Variants in PIK3R6 observed in about 807,000 individuals in gnomAD.
PIK3R6 encodes the protein phosphoinositide 3-kinase regulatory subunit 6.
PIK3R6 carries 91 observed loss-of-function variants against 84.9 expected under a neutral mutation model. The ratio of observed to expected loss-of-function variants is 1.07; its 90% CI spans 0.90 to 1.28. PIK3R6 has a LOEUF of 1.28. Ranked by LOEUF, PIK3R6 falls within the 50% of genes most tolerant of loss-of-function variation. PIK3R6 has a pLI of 0.00. For missense variants in PIK3R6, 996 were observed against 985.1 expected (o/e 1.01, Z -0.15); for synonymous variants, 416 against 411.4 (o/e 1.01, Z -0.13).
In PIK3R6 at chr17:8,827,308, GA is replaced by G. The variant is rs1175722076; in HGVS notation, c.1393-15del. On this transcript the variant is annotated splice_polypyrimidine_tract_variant and intron_variant, in intron 12 of 19. Coordinates refer to ENST00000619866, the MANE Select transcript of PIK3R6 (RefSeq NM_001010855.4). ...TGCTGCAGGCTTCTGGGGGAAAGGG[GA>G]TGGGGCAGACCCGTCAGGCCCTCTC... is the stretch of plus-strand genomic sequence containing the variant. 13 of 1,549,410 alleles carry G rather than the reference GA, an allele frequency of 8.4e-6. No individual in the cohort carries two copies. The highest frequency in any genetic ancestry group is 1.7e-4 in the Middle Eastern group (1 of 6,012).
chr17:8,815,506 GAA>G (rs776044439), intron 18 of PIK3R6, among the ~76,000 whole-genome samples: 2 of 110,020 alleles, frequency 1.8e-5, no homozygotes, highest in Non-Finnish European at 4.2e-5. Flanking sequence ...CTCAGTCTCA[GAA>G]AAAAAAAAAA....
rs184243375 is a variant in PIK3R6 at position 8,841,682 on chromosome 17, C to T, written c.14-1985G>A. ...GTTCCAGAATAATTTCTTTCTTTAA[C>T]AGTGGTACGTTGACATGGGAAAAAA... On this transcript the variant is annotated intron_variant, in intron 2 of 19. Transcript: ENST00000619866. Among the ~76,000 whole-genome samples the T allele has an allele frequency of 3.4e-3, 516 of 151,036 alleles. 3 individuals carry two copies. The highest frequency in any genetic ancestry group is 0.011 in the African/African-American group (463 of 40,888).
chr17:8,845,863 G>T (rs192534600), intron 2 of PIK3R6, among the ~76,000 whole-genome samples: 58 of 152,326 alleles, frequency 3.8e-4, no homozygotes, highest in Admixed American at 4.6e-4. Context: ...CTTAAACCTG[G>T]GGGGTGGAGA....
intron 13 of PIK3R6, among the ~76,000 whole-genome samples, chr17:8,824,939 T>TA (rs1040036745): frequency 6.6e-6 from 1 of 152,210 alleles, no homozygotes; most frequent in African/African-American, 2.4e-5. Flanking sequence ...AGTGACAAGT[T>TA]AAAAAACAGA....
intron 4 of PIK3R6, 28 bp from the exon 5 acceptor site, chr17:8,837,899 T>C (rs1051475222): frequency 5.0e-6 from 8 of 1,601,790 alleles, no homozygotes; most frequent in Non-Finnish European, 5.1e-6. Flanking sequence ...ACGTGACAGG[T>C]ATTGGGCTGG....
chr17:8,826,653 G>A (rs1259027868), intron 13 of PIK3R6, among the ~76,000 whole-genome samples: 1 of 152,068 alleles, frequency 6.6e-6, no homozygotes, highest in Non-Finnish European at 1.5e-5. Flanking sequence ...GGAAGGGAGA[G>A]CATTAGGACA....
At chr17:8,818,597 T>C (rs969168699) in intron 18 of PIK3R6, among the ~76,000 whole-genome samples, 9 of 151,956 alleles carry the variant, frequency 5.9e-5, no homozygotes, top group Non-Finnish European at 1.3e-4. Flanking sequence ...TGCAGTGAAC[T>C]AAGATTGCAC....
rs116727467 is a variant in PIK3R6 at position 8,819,415 on chromosome 17, C to T, written c.1880-217G>A. Reference sequence around the variant, plus strand: ...TGGTGAATCCACAAGTTTCTGTATCCTCAGGTCAGCGGCCATCACCAACCC... The same window carrying T: ...TGGTGAATCCACAAGTTTCTGTATCTTCAGGTCAGCGGCCATCACCAACCC... On this transcript the variant is annotated intron_variant, in intron 17 of 19. Transcript: ENST00000619866. 6.3e-3 allele frequency among the ~76,000 whole-genome samples: 961 copies of T among 152,108 alleles called. 15 individuals are homozygous for T. Among genetic ancestry groups the T allele is most frequent in the African/African-American group, 0.022 (902 of 41,484 alleles).
chr17:8,819,149 G>A lies in PIK3R6; in HGVS notation c.1929C>T (p.His643=). The A allele has an allele frequency of 6.2e-7, 1 of 1,610,958 alleles. No homozygotes were observed. Among genetic ancestry groups the A allele is most frequent in the Non-Finnish European group, 8.5e-7 (1 of 1,178,570 alleles). The change falls in exon 18 of 20, where the codon CAC becomes CAT. Residue 643 remains histidine (H), a synonymous_variant. Transcript: ENST00000619866. ...CPLPAAPVTD[H]TCLNVNVTEV... ...CTGTCACGTTGACATTCAGACATGT[G>A]TGGTCTGTGACAGGAGCAGCAGGCA...
intron 1 of PIK3R6, among the ~76,000 whole-genome samples, chr17:8,859,611 G>T (rs1460959078): frequency 6.6e-6 from 1 of 152,216 alleles, no homozygotes; most frequent in Non-Finnish European, 1.5e-5. Context: ...TGGGCATCAC[G>T]TGATCTGCTG....
At chr17:8,833,085 C>T (rs1176328684) in intron 8 of PIK3R6, 40 bp from the exon 9 acceptor site, 2 of 1,508,296 alleles carry the variant, frequency 1.3e-6, no homozygotes, top group South Asian at 2.5e-5. Context: ...CTTGGCCCAG[C>T]GCCCACGCAC....
At position 8,822,549 on chromosome 17, in the gene PIK3R6, C is replaced by T. The variant is rs1357853410; in HGVS notation, c.1788+38G>A. 14 of 1,606,382 alleles carry T rather than the reference C, an allele frequency of 8.7e-6. No homozygotes were observed. In the Admixed American group the frequency reaches 2.0e-4, roughly 23 times the overall value. ...AGAGGCCTGCTCCCTCCAGCTGTAC[C>T]TCTTGGCTACCTACTGACCACGTCC... On this transcript the variant is annotated intron_variant, in intron 16 of 19. Transcript: ENST00000619866.
intron 13 of PIK3R6, among the ~76,000 whole-genome samples, chr17:8,825,620 A>G (rs2087891767): frequency 6.6e-6 from 1 of 152,260 alleles, no homozygotes; most frequent in African/African-American, 2.4e-5. Flanking sequence ...GTTTATGCAA[A>G]ATAGCTTTAG....
At chr17:8,804,623 A>G (rs1364670880) in intron 18 of PIK3R6, among the ~76,000 whole-genome samples, 2 of 152,198 alleles carry the variant, frequency 1.3e-5, no homozygotes, top group Admixed American at 1.3e-4. Flanking sequence ...AAGCAGCCAA[A>G]GACCCCAAGC....
At position 8,803,443 on chromosome 17, in the gene PIK3R6, G is replaced by A. The variant is rs761328617; in HGVS notation, c.2109-14C>T. The A allele has an allele frequency of 6.3e-7, 1 of 1,589,628 alleles. No homozygotes were observed. Among genetic ancestry groups the A allele is most frequent in the Non-Finnish European group, 8.6e-7 (1 of 1,169,050 alleles). On this transcript the variant is annotated splice_polypyrimidine_tract_variant and intron_variant, in intron 19 of 19. Coordinates refer to ENST00000619866, the MANE Select transcript of PIK3R6 (RefSeq NM_001010855.4). This position sits in a 1 kb window ranked among gnomAD's most constrained non-coding sequence, Gnocchi z 5.0. ...GCAACCTCGAATCTGTGGGTGGAGA[G>A]AGACCAGCTCAGGTGACCCATCTGA...
chr17:8,827,421 G>A (rs927091408), intron 12 of PIK3R6, 127 bp from the exon 13 acceptor site: 2 of 1,111,754 alleles, frequency 1.8e-6, no homozygotes, highest in Non-Finnish European at 2.5e-6. Flanking sequence ...ATTTCTGCAT[G>A]TGAAGACACG....
At chr17:8,813,841 C>A (rs2087440050) in intron 18 of PIK3R6, among the ~76,000 whole-genome samples, 1 of 152,124 alleles carries the variant, frequency 6.6e-6, no homozygotes, top group Non-Finnish European at 1.5e-5. Flanking sequence ...CCTCTAAGAA[C>A]TGGAATAAGG....
chr17:8,804,662 A>G (rs1408472426), intron 18 of PIK3R6, among the ~76,000 whole-genome samples: 1 of 152,178 alleles, frequency 6.6e-6, no homozygotes, highest in South Asian at 2.1e-4. Flanking sequence ...AAGCACCCCC[A>G]GGCATCCTTA....
chr17:8,848,343 A>C (rs2088860223), intron 2 of PIK3R6, among the ~76,000 whole-genome samples: 1 of 152,226 alleles, frequency 6.6e-6, no homozygotes, highest in African/African-American at 2.4e-5. Flanking sequence ...AGTGAGTGCA[A>C]AGTAAGTTGG....
Sources: allele counts gnomAD v4.1 joint callset (sites outside exome capture counted in the v4.1 genomes callset), GRCh38; gene constraint gnomAD v4.1.1; non-coding constraint Gnocchi (gnomAD v3.1); transcripts MANE v1.5; gene names NCBI Gene and HGNC (gene_info 2026-07-23, HGNC 2026-07-21).